EXOC4: variants seen among roughly 807,000 people sequenced by gnomAD.
The protein encoded by EXOC4 is exocyst complex component 4.
A neutral mutation model predicts 107.2 loss-of-function variants in EXOC4; 71 were observed. The ratio of observed to expected loss-of-function variants is 0.66; its 90% CI spans 0.55 to 0.81. EXOC4 has a LOEUF of 0.81. EXOC4 is among the 30% of genes least tolerant of loss of function. The pLI, the probability that EXOC4 is intolerant of heterozygous loss-of-function variation, is 0.00. For synonymous variants in EXOC4, 456 were observed against 441.2 expected (o/e 1.03, Z -0.42); for missense variants, 1,108 against 1,189.6 (o/e 0.93, Z 1.01).
intron 6 of EXOC4, among the ~76,000 whole-genome samples, chr7:133,368,454 A>G (rs1365926431): frequency 3.3e-5 from 5 of 152,206 alleles, no homozygotes; most frequent in African/African-American, 4.8e-5. Context: ...CAGAGTATCT[A>G]TTATCTCCTT....
chr7:133,787,013 A>G (rs1796582964), intron 10 of EXOC4, among the ~76,000 whole-genome samples: 1 of 152,220 alleles, frequency 6.6e-6, no homozygotes, highest in South Asian at 2.1e-4. Context: ...ACTATTCTTA[A>G]AGGTTTTAAG....
chr7:133,547,776 C>T (rs1214672329), intron 9 of EXOC4, among the ~76,000 whole-genome samples: 4 of 151,836 alleles, frequency 2.6e-5, no homozygotes, highest in African/African-American at 4.8e-5. Context: ...ACTTCTAATT[C>T]GCTTGCTGTT....
At chr7:133,327,214 G>C (rs1161631881) in intron 5 of EXOC4, among the ~76,000 whole-genome samples, 1 of 152,186 alleles carries the variant, frequency 6.6e-6, no homozygotes, top group African/African-American at 2.4e-5. Flanking sequence ...CGCACCCACT[G>C]TCCTGCCCCC....
At chr7:134,068,800 A>T (rs1454614170), downstream of EXOC4, among the ~76,000 whole-genome samples, 1 of 152,196 alleles carries the variant, frequency 6.6e-6, no homozygotes, top group Non-Finnish European at 1.5e-5. Context: ...AAAAACTCCA[A>T]TACAGACAAC....
At chr7:133,561,446 C>T (rs557196118) in intron 9 of EXOC4, among the ~76,000 whole-genome samples, 3 of 152,224 alleles carry the variant, frequency 2.0e-5, no homozygotes, top group East Asian at 3.9e-4. Flanking sequence ...CCCCTATTTG[C>T]CTGGCACTTA....
downstream of EXOC4, among the ~76,000 whole-genome samples, chr7:134,067,630 T>TACACACACACACAC (rs1491203303): frequency 5.4e-4 from 11 of 20,274 alleles, no homozygotes; most frequent in South Asian, 3.6e-3. Flanking sequence ...AACTCTTATA[T>TACACACACACACAC]ATATATATAC....
chr7:134,007,714 G>A lies in EXOC4; in HGVS notation c.2566G>A (p.Ala856Thr). 1 of 1,613,530 alleles carries A rather than the reference G, an allele frequency of 6.2e-7. No homozygotes were observed. The highest frequency in any genetic ancestry group is 8.5e-7 in the Non-Finnish European group (1 of 1,179,712). Residue 856 changes from alanine (A) to threonine (T), a missense_variant, in exon 17 of 18, where the codon GCC (alanine) becomes ACC (threonine). Coordinates refer to ENST00000253861, the MANE Select transcript of EXOC4 (RefSeq NM_021807.4). ...GATCTCCTGCATCCTCATTAATGGT[G>A]CCCAGTACTTCAGGCGCATCAGTGA... Reference protein sequence around the residue: ...HLISCILINGAQYFRRISESG... With the variant: ...HLISCILINGTQYFRRISESG...
At chr7:133,600,972 A>G (rs1055800465) in intron 9 of EXOC4, among the ~76,000 whole-genome samples, 1 of 152,236 alleles carries the variant, frequency 6.6e-6, no homozygotes, top group African/African-American at 2.4e-5. Context: ...GTCAATGTAC[A>G]TTTGAAAGCA....
chr7:134,000,428 G>T (rs1585312109), intron 15 of EXOC4, among the ~76,000 whole-genome samples: 1 of 152,254 alleles, frequency 6.6e-6, no homozygotes, highest in Admixed American at 6.5e-5. Context: ...CTTGTTCATT[G>T]TGATGGCTGG....
intron 14 of EXOC4, among the ~76,000 whole-genome samples, chr7:133,959,629 C>T (rs1486219146): frequency 6.6e-6 from 1 of 151,682 alleles, no homozygotes. Flanking sequence ...GAAAACAGAC[C>T]TACATCCTCA....
At chr7:133,667,759 T>A (rs1255119911) in intron 10 of EXOC4, among the ~76,000 whole-genome samples, 1 of 152,240 alleles carries the variant, frequency 6.6e-6, no homozygotes, top group Non-Finnish European at 1.5e-5. Flanking sequence ...ATTTTCGCTG[T>A]ATTTCCAGGC....
chr7:133,621,925 A>C (rs1341957610), intron 9 of EXOC4, among the ~76,000 whole-genome samples: 1 of 150,698 alleles, frequency 6.6e-6, no homozygotes, highest in Non-Finnish European at 1.5e-5. Flanking sequence ...TAACAGAAGC[A>C]AGAAAGGTCT....
chr7:133,807,170 A>G (rs1373640365), intron 10 of EXOC4, among the ~76,000 whole-genome samples: 2 of 152,194 alleles, frequency 1.3e-5, no homozygotes, highest in Non-Finnish European at 2.9e-5. Context: ...CCAGTCCCCC[A>G]GGGATACTGA....
intron 11 of EXOC4, among the ~76,000 whole-genome samples, chr7:133,823,894 T>TAAA (rs1563015082): frequency 5.7e-5 from 1 of 17,680 alleles, no homozygotes; most frequent in African/African-American, 7.0e-4. Context: ...ATATATATAT[T>TAAA]TTATATATAT....
intron 2 of EXOC4, among the ~76,000 whole-genome samples, chr7:133,282,782 TGA>T (rs1475601461): frequency 1.3e-5 from 2 of 152,234 alleles, no homozygotes; most frequent in African/African-American, 4.8e-5. Flanking sequence ...TTATTTGTGG[TGA>T]GAATACTTAG....
chr7:133,569,082 T>C (rs150577911), intron 9 of EXOC4, among the ~76,000 whole-genome samples: 1 of 152,106 alleles, frequency 6.6e-6, no homozygotes, highest in Non-Finnish European at 1.5e-5. Context: ...GGTAGTAATA[T>C]GAGAACACAA....
At chr7:133,793,792 C>CA (rs1305458574) in intron 10 of EXOC4, among the ~76,000 whole-genome samples, 8 of 152,116 alleles carry the variant, frequency 5.3e-5, no homozygotes, top group Non-Finnish European at 8.8e-5. Flanking sequence ...TGCAGTGAGC[C>CA]AAAATCGCGC....
Position 133,480,089 on chromosome 7 carries a change from T to C in EXOC4, c.1368T>C (p.Tyr456=), listed in dbSNP as rs1232138752. 1 of 1,613,914 alleles carries C rather than the reference T, an allele frequency of 6.2e-7. No homozygotes were observed. Among genetic ancestry groups the C allele is most frequent in the African/African-American group, 1.3e-5 (1 of 74,926 alleles). Residue 456 remains tyrosine, a synonymous_variant, in exon 9 of 18, where the codon TAT becomes TAC. Transcript: ENST00000253861. ...SSSHAISMSA[Y]LREQRRELYS... ...CCCATGCCATCAGTATGAGCGCCTA[T>C]CTGCGAGAACAGAGAAGGGAGCTCT...
At chr7:133,843,209 G>A (rs983687270) in intron 11 of EXOC4, among the ~76,000 whole-genome samples, 2 of 152,046 alleles carry the variant, frequency 1.3e-5, no homozygotes, top group African/African-American at 2.4e-5. Flanking sequence ...TGTGGAAAAC[G>A]TCATTGGTAG....
Sources: gnomAD v4.1 joint callset for allele counts (sites outside exome capture counted in the v4.1 genomes callset) on GRCh38, gnomAD v4.1.1 for gene constraint, MANE v1.5 for transcripts, NCBI Gene and HGNC (gene_info 2026-07-23, HGNC 2026-07-21) for gene names.